Variants in MED12L observed in about 807,000 individuals in gnomAD.
MED12L encodes mediator of RNA polymerase II transcription subunit 12-like protein.
MED12L carries 60 observed loss-of-function variants against 281.3 expected under a neutral mutation model. The ratio of observed to expected loss-of-function variants is 0.21; its 90% CI spans 0.17 to 0.26. The LOEUF (loss-of-function observed/expected upper bound fraction) is 0.26. MED12L is among the 10% of genes least tolerant of loss of function. The pLI is 1.00. For synonymous variants in MED12L, 974 were observed against 987.2 expected, an observed-to-expected ratio of 0.99 and a Z score of 0.25; for missense variants, 2,146 against 2,680.9, an observed-to-expected ratio of 0.80 and a Z score of 4.41.
chr3:151,291,960 C>G (rs1559989668), intron 16 of MED12L, among the ~76,000 whole-genome samples: 1 of 152,150 alleles, frequency 6.6e-6, no homozygotes, highest in Non-Finnish European at 1.5e-5. Flanking sequence ...AAGCTACTAT[C>G]ACATTAAACA....
intron 26 of MED12L, among the ~76,000 whole-genome samples, chr3:151,371,023 A>G (rs1291182232): frequency 1.3e-5 from 2 of 152,312 alleles, no homozygotes; most frequent in African/African-American, 4.8e-5. Flanking sequence ...AATGTATTCT[A>G]TTGTCAATGC....
intron 16 of MED12L, among the ~76,000 whole-genome samples, chr3:151,224,829 T>C (rs1577026489): frequency 6.6e-6 from 1 of 152,322 alleles, no homozygotes; most frequent in South Asian, 2.1e-4. Flanking sequence ...TGATTTCCCC[T>C]TATTGAAATC....
intron 16 of MED12L, among the ~76,000 whole-genome samples, chr3:151,206,975 A>T (rs2870415): frequency 0.054 from 8,225 of 151,822 alleles, 707 homozygotes; most frequent in African/African-American, 0.18. Flanking sequence ...CACAGAACAC[A>T]TTTTTAAAAC....
chr3:151,410,773 G>T (rs1329017900), intron 40 of MED12L, among the ~76,000 whole-genome samples: 1 of 152,096 alleles, frequency 6.6e-6, no homozygotes, highest in African/African-American at 2.4e-5. Flanking sequence ...TTTTGGAACT[G>T]GTTAGTTACT....
intron 19 of MED12L, among the ~76,000 whole-genome samples, 199 bp downstream of exon 19, chr3:151,356,238 A>G (rs1181230211): frequency 6.6e-6 from 1 of 152,060 alleles, no homozygotes; most frequent in Non-Finnish European, 1.5e-5. Flanking sequence ...CATCTCCACA[A>G]AAAATTTAAA....
intron 41 of MED12L, among the ~76,000 whole-genome samples, chr3:151,412,786 C>T (rs1266092218): frequency 6.6e-6 from 1 of 152,148 alleles, no homozygotes; most frequent in Non-Finnish European, 1.5e-5. Context: ...AAACTGCTGA[C>T]CTTAAAGGGC....
intron 39 of MED12L, among the ~76,000 whole-genome samples, chr3:151,408,896 G>A (rs368152152): frequency 6.6e-6 from 1 of 152,196 alleles, no homozygotes; most frequent in African/African-American, 2.4e-5. Context: ...GCACTGGGTA[G>A]TGCAGCCCTG....
Position 151,224,167 on chromosome 3 carries a change from T to C in MED12L, c.2250+30501T>C, listed in dbSNP as rs933059214. Among the ~76,000 whole-genome samples, 5 of 152,252 alleles carry C rather than the reference T, an allele frequency of 3.3e-5. No individual in the cohort carries two copies. The South Asian group carries it at 1.0e-3, about 31-fold the overall frequency. ...ATGGATTGCCTTCAAATAATGCTTT[T>C]ATCAGTACCCACTTATGACGTGCAT... On this transcript the variant is annotated intron_variant, in intron 16 of 44. Transcript: ENST00000687756.
At chr3:151,236,214 A>T (rs1559916172) in intron 16 of MED12L, among the ~76,000 whole-genome samples, 1 of 152,222 alleles carries the variant, frequency 6.6e-6, no homozygotes, top group Admixed American at 6.5e-5. Flanking sequence ...TTACTTATAC[A>T]ACTTTGGTCA....
intron 2 of MED12L, 127 bp from the exon 3 acceptor site, chr3:151,116,211 T>G: frequency 1.6e-6 from 1 of 607,376 alleles, no homozygotes; most frequent in Non-Finnish European, 2.9e-6. Flanking sequence ...CCTTCTCTGA[T>G]TGTTGTCCTT....
intron 32 of MED12L, among the ~76,000 whole-genome samples, chr3:151,381,334 C>G (rs534124847): frequency 6.6e-6 from 1 of 152,238 alleles, no homozygotes; most frequent in South Asian, 2.1e-4. Context: ...TCATAGTGAA[C>G]CTTTTTAAAT....
At chr3:151,367,159 A>G (rs1755387174) in intron 23 of MED12L, among the ~76,000 whole-genome samples, 1 of 152,128 alleles carries the variant, frequency 6.6e-6, no homozygotes, top group Non-Finnish European at 1.5e-5. Flanking sequence ...GGAAACTTTC[A>G]GAGTTGTTTT....
chr3:151,161,075 G>T (rs1431495002), intron 8 of MED12L, among the ~76,000 whole-genome samples: 1 of 152,192 alleles, frequency 6.6e-6, no homozygotes, highest in Admixed American at 6.5e-5. Flanking sequence ...TATGATTGAG[G>T]TGTCATCAGA....
At chr3:151,236,616 TTCAA>T (rs1336707957) in intron 16 of MED12L, among the ~76,000 whole-genome samples, 1 of 152,230 alleles carries the variant, frequency 6.6e-6, no homozygotes, top group Non-Finnish European at 1.5e-5. Flanking sequence ...TCATGTGTTC[TTCAA>T]TCTTTCACTT....
At chr3:151,256,829 C>T (rs200772266) in intron 16 of MED12L, among the ~76,000 whole-genome samples, 365 of 93,568 alleles carry the variant, frequency 3.9e-3, no homozygotes, top group Middle Eastern at 5.4e-3. Context: ...TTTTTTTTTT[C>T]TTGGTGGGAA....
intron 16 of MED12L, among the ~76,000 whole-genome samples, chr3:151,270,753 T>G (rs1740792819): frequency 6.6e-6 from 1 of 152,204 alleles, no homozygotes; most frequent in African/African-American, 2.4e-5. Context: ...TGATGTTTAA[T>G]GGGCATCTTT....
intron 16 of MED12L, among the ~76,000 whole-genome samples, chr3:151,288,058 G>T (rs1203686893): frequency 6.6e-6 from 1 of 152,124 alleles, no homozygotes; most frequent in Non-Finnish European, 1.5e-5. Flanking sequence ...TGAAACCTTG[G>T]TCATATTCTT....
intron 16 of MED12L, among the ~76,000 whole-genome samples, chr3:151,261,767 C>T (rs1223816230): frequency 6.6e-6 from 1 of 152,048 alleles, no homozygotes; most frequent in African/African-American, 2.4e-5. Context: ...CTGTGTCATC[C>T]AGGCCACAGT....
chr3:151,218,170 G>A (rs746699900), intron 16 of MED12L, among the ~76,000 whole-genome samples: 3 of 152,136 alleles, frequency 2.0e-5, no homozygotes, highest in South Asian at 4.1e-4. Flanking sequence ...ATACAAAAAT[G>A]TAAAAATAAA....
Sources: allele counts gnomAD v4.1 joint callset (sites outside exome capture counted in the v4.1 genomes callset), GRCh38; gene constraint gnomAD v4.1.1; transcripts MANE v1.5; gene names NCBI Gene and HGNC (gene_info 2026-07-23, HGNC 2026-07-21).